Variants in TTLL5 observed in about 807,000 individuals in gnomAD.
The protein encoded by TTLL5 is tubulin polyglutamylase TTLL5.
TTLL5 carries 132 observed loss-of-function variants against 168.4 expected under a neutral mutation model. The ratio of observed to expected loss-of-function variants is 0.78; its 90% CI spans 0.68 to 0.91. TTLL5 has a LOEUF of 0.91. Among genes scored for constraint, TTLL5 ranks in the 40% least tolerant of loss-of-function variants. The pLI is 0.00. For synonymous variants in TTLL5, 546 were observed against 558.6 expected, an observed-to-expected ratio of 0.98 and a Z score of 0.32; for missense variants, 1,545 against 1,581.5, an observed-to-expected ratio of 0.98 and a Z score of 0.39.
intron 29 of TTLL5, among the ~76,000 whole-genome samples, chr14:75,876,628 T>C (rs1186184816): frequency 6.6e-6 from 1 of 152,236 alleles, no homozygotes; most frequent in East Asian, 1.9e-4. Flanking sequence ...TGCTGTCCCA[T>C]TCCTATTGGA....
intron 30 of TTLL5, among the ~76,000 whole-genome samples, chr14:75,885,285 T>G (rs1440638859): frequency 6.6e-6 from 1 of 151,956 alleles, no homozygotes; most frequent in African/African-American, 2.4e-5. Context: ...GGTCGGGAGA[T>G]CGAGACCATC....
At position 75,766,259 on chromosome 14, in the gene TTLL5, A is replaced by C. The variant is rs760885007; in HGVS notation, c.1906A>C (p.Lys636Gln). 8 of 1,614,004 alleles carry C rather than the reference A, an allele frequency of 5.0e-6. No homozygotes were observed. The highest frequency in any genetic ancestry group is 6.8e-6 in the Non-Finnish European group (8 of 1,180,002). The change falls in exon 20 of 32, where the codon AAA becomes CAA. Residue 636 changes from lysine (K) to glutamine (Q), a missense_variant. By Grantham distance (53) the Lys-to-Gln change is moderately conservative (BLOSUM62 1). Transcript: ENST00000298832. ...AAATACACCCAAAGAAAATTCCATG[A>C]AAGTTCGTGAATGGAATAATAAAGG... ...VENTPKENSM[K>Q]VREWNNKGGH...
intron 31 of TTLL5, among the ~76,000 whole-genome samples, chr14:75,907,709 G>A (rs1043962052): frequency 2.0e-5 from 3 of 152,186 alleles, no homozygotes; most frequent in African/African-American, 7.2e-5. Flanking sequence ...AAAATTTACT[G>A]GAGAAACTGA....
intron 13 of TTLL5, 68 bp downstream of exon 13, chr14:75,732,487 TGA>T: frequency 5.6e-6 from 6 of 1,065,202 alleles, no homozygotes; most frequent in African/African-American, 1.5e-5. Context: ...TTTTTTTTTT[TGA>T]TCATTTCTCT....
chr14:75,804,035 G>A (rs1451613945), intron 27 of TTLL5, among the ~76,000 whole-genome samples: 1 of 152,214 alleles, frequency 6.6e-6, no homozygotes, highest in Non-Finnish European at 1.5e-5. Context: ...GGGGGCTCCA[G>A]TGTGAACGAA....
intron 25 of TTLL5, among the ~76,000 whole-genome samples, 166 bp downstream of exon 25, chr14:75,782,739 A>G (rs186875565): frequency 2.5e-4 from 38 of 152,242 alleles, no homozygotes; most frequent in Non-Finnish European, 4.4e-4. Context: ...TTGATAAGCT[A>G]TTTTCCTTCC....
intron 9 of TTLL5, among the ~76,000 whole-genome samples, chr14:75,714,749 A>G (rs1379139983): frequency 6.6e-6 from 1 of 151,984 alleles, no homozygotes; most frequent in African/African-American, 2.4e-5. Flanking sequence ...TCTCTATTCT[A>G]TCCCTGGAAT....
intron 2 of TTLL5, among the ~76,000 whole-genome samples, chr14:75,665,289 C>T (rs1883172924): frequency 6.6e-6 from 1 of 152,164 alleles, no homozygotes; most frequent in Non-Finnish European, 1.5e-5. Flanking sequence ...AAGACAACAA[C>T]ATGAAGACTG....
intron 27 of TTLL5, among the ~76,000 whole-genome samples, chr14:75,800,018 C>T (rs762398532): frequency 3.9e-5 from 6 of 152,218 alleles, no homozygotes; most frequent in Non-Finnish European, 8.8e-5. Flanking sequence ...CGATCTTTGG[C>T]AAGGCCAGGG....
intron 31 of TTLL5, among the ~76,000 whole-genome samples, chr14:75,938,916 C>T (rs1371053234): frequency 1.3e-5 from 2 of 152,202 alleles, no homozygotes; most frequent in Non-Finnish European, 2.9e-5. Flanking sequence ...TGCCTATACT[C>T]TAGAGCAGTG....
intron 6 of TTLL5, among the ~76,000 whole-genome samples, chr14:75,695,230 A>C (rs1885752896): frequency 6.6e-6 from 1 of 152,218 alleles, no homozygotes; most frequent in Admixed American, 6.5e-5. Context: ...GTTGAAGATA[A>C]GGGATAAAAT....
rs533183551 is a variant in TTLL5, at chr14:75,939,907, C to A, written c.3824-14517C>A. On this transcript the variant is annotated intron_variant, in intron 31 of 31. Coordinates refer to ENST00000298832, the MANE Select transcript of TTLL5 (RefSeq NM_015072.5). The stretch of plus-strand genomic sequence containing the variant: ...TTTGAACTCAAAGCTATATAAAAAT[C>A]CATTCTAATGCCCCACCAAAGATTT... Among the ~76,000 whole-genome samples, 14 of 152,094 alleles carry A rather than the reference C, an allele frequency of 9.2e-5. No homozygotes were observed. The South Asian group carries it at 2.9e-3, about 32-fold the overall frequency.
chr14:75,683,694 T>C (rs888767229), intron 5 of TTLL5, 38 bp downstream of exon 5: 1 of 1,518,518 alleles, frequency 6.6e-7, no homozygotes, highest in Admixed American at 1.7e-5. Context: ...CATTTAAAGG[T>C]ACATGACATT....
At chr14:75,828,718 G>A (rs575133699) in intron 28 of TTLL5, among the ~76,000 whole-genome samples, 3 of 152,292 alleles carry the variant, frequency 2.0e-5, no homozygotes, top group African/African-American at 7.2e-5. Flanking sequence ...CTATACTGTT[G>A]AATACTCTCA....
At chr14:75,682,397 C>G (rs925364501) in intron 4 of TTLL5, among the ~76,000 whole-genome samples, 1 of 152,070 alleles carries the variant, frequency 6.6e-6, no homozygotes, top group Non-Finnish European at 1.5e-5. Flanking sequence ...GCATGGCTGG[C>G]ACCGAGGAGG....
At chr14:75,818,230 A>G (rs2140410064) in intron 27 of TTLL5, among the ~76,000 whole-genome samples, 1 of 152,288 alleles carries the variant, frequency 6.6e-6, no homozygotes, top group East Asian at 1.9e-4. Flanking sequence ...TTTATTATAA[A>G]AGGTAATACA....
rs1383080060 is a variant in TTLL5, at chr14:75,690,297, G to T, written c.477G>T (p.Leu159=). Residue 159 remains leucine, a synonymous_variant, in exon 6 of 32, where the codon CTG becomes CTT. Transcript: ENST00000298832. ...ACATCCTCCCCCAGACCTTCCTCCT[G>T]CCAGCTGAGTACGCGGAATTTTGTA... The part of the protein sequence containing the change: ...AFHILPQTFL[L]PAEYAEFCNS... 1.2e-6 allele frequency: 2 copies of T among 1,608,428 alleles called. No individual in the cohort carries two copies. Among genetic ancestry groups the T allele is most frequent in the Non-Finnish European group, 1.7e-6 (2 of 1,177,818 alleles).
chr14:75,695,081 A>G (rs1369849586), intron 6 of TTLL5, among the ~76,000 whole-genome samples: 1 of 152,244 alleles, frequency 6.6e-6, no homozygotes, highest in Non-Finnish European at 1.5e-5. Flanking sequence ...GAACAGAGCC[A>G]TATTTCTCTT....
At chr14:75,767,294 T>A (rs562567695) in intron 20 of TTLL5, among the ~76,000 whole-genome samples, 1 of 152,282 alleles carries the variant, frequency 6.6e-6, no homozygotes, top group East Asian at 1.9e-4. Flanking sequence ...GGGACCAAGA[T>A]AGGCCTGGAG....
Sources: gnomAD v4.1 joint callset for allele counts (sites outside exome capture counted in the v4.1 genomes callset) on GRCh38, gnomAD v4.1.1 for gene constraint, MANE v1.5 for transcripts, NCBI Gene and HGNC (gene_info 2026-07-23, HGNC 2026-07-21) for gene names.